Variants in EHBP1 observed in about 807,000 individuals in gnomAD.
The protein encoded by EHBP1 is EH domain-binding protein 1.
EHBP1 carries 55 observed loss-of-function variants against 144.0 expected under a neutral mutation model. The ratio of observed to expected loss-of-function variants is 0.38; its 90% CI spans 0.31 to 0.48. EHBP1 has a LOEUF of 0.48. Among genes scored for constraint, EHBP1 ranks in the 20% least tolerant of loss-of-function variants. EHBP1 has a pLI of 0.98. For synonymous variants in EHBP1, 469 were observed against 472.7 expected (o/e 0.99, Z 0.10); for missense variants, 1,200 against 1,364.2 (o/e 0.88, Z 1.90).
At chr2:62,755,893 A>G (rs1174542499) in intron 3 of EHBP1, among the ~76,000 whole-genome samples, 1 of 152,018 alleles carries the variant, frequency 6.6e-6, no homozygotes, top group Non-Finnish European at 1.5e-5. Flanking sequence ...TGAATGCCAC[A>G]TTCAGGGCTT....
At chr2:62,896,803 A>G (rs1169830857) in intron 10 of EHBP1, among the ~76,000 whole-genome samples, 1 of 151,816 alleles carries the variant, frequency 6.6e-6, no homozygotes, top group Non-Finnish European at 1.5e-5. Flanking sequence ...CCTTAAGTCT[A>G]CTCCAAACAG....
intron 10 of EHBP1, among the ~76,000 whole-genome samples, chr2:62,938,334 A>G (rs761569362): frequency 3.9e-5 from 6 of 152,222 alleles, no homozygotes; most frequent in Non-Finnish European, 8.8e-5. Context: ...GTGGAAAACT[A>G]TTTAGAGCAA....
rs548604923 is a variant in EHBP1, at chr2:62,937,336, G to C, written c.1186-5382G>C. On this transcript the variant is annotated intron_variant, in intron 10 of 22. Coordinates refer to ENST00000431489, the MANE Select transcript of EHBP1 (RefSeq NM_001142616.3). ...CTGAGTAACCTCACTTTCTCCAACT[G>C]TAAATTGGAAGTAAGAGTACCTATC... Among the ~76,000 whole-genome samples the C allele has an allele frequency of 2.6e-5, 4 of 152,286 alleles. No individual in the cohort carries two copies. In the South Asian group the frequency reaches 8.3e-4, roughly 32 times the overall value.
intron 5 of EHBP1, among the ~76,000 whole-genome samples, chr2:62,809,304 A>C (rs911297389): frequency 2.3e-4 from 34 of 147,954 alleles, no homozygotes; most frequent in Admixed American, 8.8e-4. Flanking sequence ...AAAAAAAAAA[A>C]AAAAAAAAAA....
intron 19 of EHBP1, among the ~76,000 whole-genome samples, chr2:63,031,422 C>T (rs2061243173): frequency 6.6e-6 from 1 of 152,188 alleles, no homozygotes; most frequent in Admixed American, 6.5e-5. Context: ...AAGTGACTGA[C>T]TGTATTTTAT....
In EHBP1 at chr2:62,956,952, A is replaced by G. The variant is rs1256328567; in HGVS notation, c.2460+1292A>G. Among the ~76,000 whole-genome samples, 3 of 152,180 alleles carry G rather than the reference A, an allele frequency of 2.0e-5. No individual in the cohort carries two copies. The East Asian group carries it at 5.8e-4, about 29-fold the overall frequency. On this transcript the variant is annotated intron_variant, in intron 14 of 22. Transcript: ENST00000431489. The stretch of plus-strand genomic sequence containing the variant: ...ATAGCATGGTGGCTGACTTCCAAGA[A>G]CAAGTGTCCCAATGGAATAAGGCAT...
At chr2:62,926,378 C>G (rs539012170) in intron 10 of EHBP1, among the ~76,000 whole-genome samples, 27 of 152,174 alleles carry the variant, frequency 1.8e-4, no homozygotes, top group Admixed American at 4.6e-4. Context: ...GCAAAGAAAA[C>G]AGCAGAGTGA....
At chr2:62,887,160 A>G (rs565448543) in intron 10 of EHBP1, among the ~76,000 whole-genome samples, 3 of 152,256 alleles carry the variant, frequency 2.0e-5, no homozygotes, top group African/African-American at 7.2e-5. Flanking sequence ...TCATGGCCCA[A>G]CATTGTCCCC....
At chr2:62,754,648 A>G (rs2040094429) in intron 3 of EHBP1, among the ~76,000 whole-genome samples, 1 of 152,182 alleles carries the variant, frequency 6.6e-6, no homozygotes, top group Non-Finnish European at 1.5e-5. Flanking sequence ...ACCCAGTTCG[A>G]GCTTCCTGAC....
At chr2:62,883,535 A>G (rs987494635) in intron 10 of EHBP1, among the ~76,000 whole-genome samples, 1 of 152,222 alleles carries the variant, frequency 6.6e-6, no homozygotes, top group African/African-American at 2.4e-5. Flanking sequence ...TAGTTTGGAT[A>G]AGATACCTGG....
chr2:62,817,133 T>G, intron 5 of EHBP1, among the ~76,000 whole-genome samples: 1 of 152,248 alleles, frequency 6.6e-6, no homozygotes, highest in East Asian at 1.9e-4. Flanking sequence ...GAGTAGTGGC[T>G]ATATGCTATG....
chr2:62,798,264 A>G (rs958738940), intron 5 of EHBP1, among the ~76,000 whole-genome samples: 11 of 152,110 alleles, frequency 7.2e-5, no homozygotes, highest in Non-Finnish European at 1.3e-4. Context: ...ACTGCTCGGG[A>G]GGCTGAAGCA....
At chr2:62,880,346 GAAA>G (rs59916252) in intron 10 of EHBP1, among the ~76,000 whole-genome samples, 2 of 133,788 alleles carry the variant, frequency 1.5e-5, no homozygotes, top group Non-Finnish European at 3.2e-5. Flanking sequence ...TAGCAATTGT[GAAA>G]AAAAAAAAAA....
At chr2:62,935,625 T>C (rs2056333916) in intron 10 of EHBP1, among the ~76,000 whole-genome samples, 1 of 152,098 alleles carries the variant, frequency 6.6e-6, no homozygotes. Flanking sequence ...TTCTACATAC[T>C]CAATTATATT....
Position 63,045,712 on chromosome 2 carries a change from G to A in EHBP1, c.*212G>A, listed in dbSNP as rs951330398. ...TAGCTTCATTTAAGGATTTTTTTGT[G>A]AGTTAACAATTTCCTTGAAATCCTG... On this transcript the variant is annotated 3_prime_UTR_variant, in exon 23 of 23. Transcript: ENST00000431489. The surrounding 1 kb of genome is among the most constrained non-coding windows in gnomAD (Gnocchi z 5.7). 2 of 516,000 alleles carry A rather than the reference G, an allele frequency of 3.9e-6. No individual in the cohort carries two copies. The highest frequency in any genetic ancestry group is 7.0e-6 in the Non-Finnish European group (2 of 287,342). The allele number at this position is 516,000 out of a possible 1,614,324, so 32.0% of individuals were successfully genotyped here.
At chr2:62,838,150 A>T (rs575642992) in intron 7 of EHBP1, among the ~76,000 whole-genome samples, 98 of 151,906 alleles carry the variant, frequency 6.5e-4, no homozygotes, top group Middle Eastern at 6.8e-3. Context: ...CTCTCAGACC[A>T]CAGTGCAATC....
intron 9 of EHBP1, among the ~76,000 whole-genome samples, chr2:62,868,028 C>T (rs2050175837): frequency 6.6e-6 from 1 of 152,128 alleles, no homozygotes; most frequent in African/African-American, 2.4e-5. Context: ...TTACCTTCCA[C>T]TGTATAAAAC....
At chr2:62,955,854 G>A (rs771130521) in intron 14 of EHBP1, 194 bp downstream of exon 14, 3 of 453,788 alleles carry the variant, frequency 6.6e-6, no homozygotes, top group African/African-American at 4.0e-5. Flanking sequence ...ACAGAGCAGT[G>A]TTAGTGATGA....
At chr2:63,034,844 G>T (rs570508830) in intron 19 of EHBP1, among the ~76,000 whole-genome samples, 1 of 151,990 alleles carries the variant, frequency 6.6e-6, no homozygotes, top group East Asian at 1.9e-4. Context: ...TTAGAGCTAC[G>T]AACAGTTGGG....
Sources: gnomAD v4.1 joint callset for allele counts (sites outside exome capture counted in the v4.1 genomes callset) on GRCh38, gnomAD v4.1.1 for gene constraint, Gnocchi (gnomAD v3.1) non-coding constraint, MANE v1.5 for transcripts, NCBI Gene and HGNC (gene_info 2026-07-23, HGNC 2026-07-21) for gene names.